Variants in NAALADL2 observed in about 807,000 individuals in gnomAD.
NAALADL2 encodes the protein N-acetylated alpha-linked acidic dipeptidase like 2.
NAALADL2 carries 76 observed loss-of-function variants against 87.2 expected under a neutral mutation model. The observed-to-expected ratio is 0.87, with a 90% CI of 0.72 to 1.05. The LOEUF (loss-of-function observed/expected upper bound fraction) is 1.05. Among genes scored for constraint, NAALADL2 ranks in the 50% least tolerant of loss-of-function variants. The pLI is 0.00. For synonymous variants in NAALADL2, 354 were observed against 331.0 expected, an observed-to-expected ratio of 1.07 and a Z score of -0.75; for missense variants, 1,089 against 945.8, an observed-to-expected ratio of 1.15 and a Z score of -1.99.
intron 2 of NAALADL2, among the ~76,000 whole-genome samples, chr3:174,560,405 C>G (rs1481489239): frequency 6.6e-6 from 1 of 152,174 alleles, no homozygotes; most frequent in East Asian, 1.9e-4. Flanking sequence ...AATGTCTGCA[C>G]AGCTAATGCA....
chr3:175,702,301 G>GGAATTTTCACTGGA (rs1379453308), intron 11 of NAALADL2, among the ~76,000 whole-genome samples: 1 of 151,990 alleles, frequency 6.6e-6, no homozygotes, highest in East Asian at 1.9e-4. Context: ...ATTTATAAAA[G>GGAATTTTCACTGGA]GAATTTTCAC....
intron 9 of NAALADL2, among the ~76,000 whole-genome samples, chr3:175,482,070 A>G (rs569403311): frequency 2.6e-5 from 4 of 152,056 alleles, no homozygotes; most frequent in Middle Eastern, 3.4e-3. Flanking sequence ...TTGGGAAAAA[A>G]AATATTAAAA....
chr3:175,345,696 G>C (rs999532090), intron 5 of NAALADL2, among the ~76,000 whole-genome samples: 1 of 152,156 alleles, frequency 6.6e-6, no homozygotes, highest in Non-Finnish European at 1.5e-5. Context: ...GCAAAGAGAA[G>C]TACCAGAGTG....
chr3:175,574,566 T>C (rs886580475), intron 9 of NAALADL2, among the ~76,000 whole-genome samples: 4 of 152,160 alleles, frequency 2.6e-5, no homozygotes, highest in Admixed American at 2.6e-4. Context: ...TTCTCTTGTG[T>C]CTGGTTACAG....
intron 1 of NAALADL2, among the ~76,000 whole-genome samples, chr3:175,037,769 G>A (rs930594819): frequency 3.9e-5 from 6 of 152,046 alleles, no homozygotes; most frequent in African/African-American, 1.4e-4. Context: ...TAGTTCTAAG[G>A]GGGTGGCTGG....
chr3:174,697,536 G>C (rs980487005), intron 2 of NAALADL2, among the ~76,000 whole-genome samples: 4 of 152,028 alleles, frequency 2.6e-5, no homozygotes, highest in Admixed American at 2.0e-4. Context: ...CAAGATACAA[G>C]GGTATGTTGA....
intron 1 of NAALADL2, among the ~76,000 whole-genome samples, chr3:174,492,868 A>G (rs1718291034): frequency 6.6e-6 from 1 of 152,180 alleles, no homozygotes; most frequent in African/African-American, 2.4e-5. Context: ...TTATTTAACC[A>G]TTGTGCCCAG....
intron 9 of NAALADL2, among the ~76,000 whole-genome samples, chr3:175,569,551 A>C (rs1717709739): frequency 6.6e-6 from 1 of 152,156 alleles, no homozygotes; most frequent in Non-Finnish European, 1.5e-5. Flanking sequence ...TGGAAAGTAC[A>C]TAGGTCATGA....
chr3:175,799,339 GA>G (rs1423675704), intron 13 of NAALADL2, among the ~76,000 whole-genome samples: 20 of 151,862 alleles, frequency 1.3e-4, no homozygotes, highest in Admixed American at 1.3e-3. Flanking sequence ...TTACATAGCT[GA>G]ATAATTAAAA....
At chr3:174,519,326 CTTT>C (rs557612913) in intron 1 of NAALADL2, among the ~76,000 whole-genome samples, 15 of 128,874 alleles carry the variant, frequency 1.2e-4, no homozygotes, top group Admixed American at 3.1e-4. Flanking sequence ...TGAAGATTTC[CTTT>C]TTTTTTTTTT....
intron 11 of NAALADL2, among the ~76,000 whole-genome samples, chr3:175,698,371 A>G (rs1164205386): frequency 1.0e-5 from 1 of 100,152 alleles, no homozygotes; most frequent in African/African-American, 5.2e-5. Flanking sequence ...GTATATATGT[A>G]TGTGTATTTA....
chr3:174,520,424 G>C (rs989225762), intron 1 of NAALADL2, among the ~76,000 whole-genome samples: 5 of 152,068 alleles, frequency 3.3e-5, no homozygotes, highest in Non-Finnish European at 5.9e-5. Flanking sequence ...GCAACCAACT[G>C]ATCTTTGATA....
At chr3:175,199,251 C>T (rs1478190884) in intron 2 of NAALADL2, among the ~76,000 whole-genome samples, 1 of 152,066 alleles carries the variant, frequency 6.6e-6, no homozygotes, top group East Asian at 1.9e-4. Flanking sequence ...TGGATTTATG[C>T]TTCATCTAGC....
At chr3:175,042,221 T>G (rs1754156817) in intron 1 of NAALADL2, among the ~76,000 whole-genome samples, 1 of 152,196 alleles carries the variant, frequency 6.6e-6, no homozygotes, top group East Asian at 1.9e-4. Context: ...TCCTCCAGGT[T>G]CATTTATGTT....
chr3:174,587,829 C>T (rs913560233), intron 2 of NAALADL2, among the ~76,000 whole-genome samples: 2 of 152,098 alleles, frequency 1.3e-5, no homozygotes, highest in Admixed American at 6.6e-5. Flanking sequence ...CATTTCAACT[C>T]TGGTGAATCT....
At chr3:174,713,900 C>G (rs1730931044) in intron 2 of NAALADL2, among the ~76,000 whole-genome samples, 1 of 151,894 alleles carries the variant, frequency 6.6e-6, no homozygotes, top group African/African-American at 2.4e-5. Flanking sequence ...AATGGTATTG[C>G]CTAGGTTTTC....
At chr3:174,665,902 T>C (rs1372635245) in intron 2 of NAALADL2, among the ~76,000 whole-genome samples, 1 of 152,192 alleles carries the variant, frequency 6.6e-6, no homozygotes, top group Admixed American at 6.6e-5. Context: ...TATTCTCTTA[T>C]TCAGTTTTCA....
At chr3:175,794,348 TATAA>T (rs1160789088) in intron 13 of NAALADL2, among the ~76,000 whole-genome samples, 3 of 149,564 alleles carry the variant, frequency 2.0e-5, no homozygotes, top group African/African-American at 7.5e-5. Context: ...CGCGATGAAA[TATAA>T]ATAAAAACAA....
intron 1 of NAALADL2, among the ~76,000 whole-genome samples, chr3:175,025,242 GA>G (rs202134073): frequency 1.5e-3 from 229 of 149,148 alleles, no homozygotes; most frequent in African/African-American, 2.9e-3. Flanking sequence ...GCAGGCATAT[GA>G]AAAAAAAAAG....
Sources: allele counts gnomAD v4.1 joint callset (sites outside exome capture counted in the v4.1 genomes callset), GRCh38; gene constraint gnomAD v4.1.1; transcripts MANE v1.5; gene names NCBI Gene and HGNC (gene_info 2026-07-23, HGNC 2026-07-21).